NR2F1: variants seen among roughly 807,000 people sequenced by gnomAD.
NR2F1 encodes the protein COUP transcription factor 1.
In NR2F1, 1 loss-of-function variant was observed where a neutral mutation model predicts 37.7. That is an observed-to-expected ratio of 0.03 (90% CI 0.01 to 0.13). NR2F1 has a LOEUF of 0.13. Among genes scored for constraint, NR2F1 ranks in the 10% least tolerant of loss-of-function variants. The pLI, the probability that NR2F1 is intolerant of heterozygous loss-of-function variation, is 1.00. For missense variants in NR2F1, 268 were observed against 578.4 expected (o/e 0.46, Z 5.50); for synonymous variants, 275 against 259.6 (o/e 1.06, Z -0.57).
chr5:93,584,530 C>T lies in NR2F1; in HGVS notation c.-494C>T, dbSNP rs1303156484. The stretch of plus-strand genomic sequence containing the variant: ...ATGCCCGCCGCCCCCGGCGCTGCGC[C>T]CCGCGCCGCTCCCGGCTGCCGCCTG... On this transcript the variant is annotated 5_prime_UTR_variant, in exon 1 of 3. Coordinates refer to ENST00000327111, the MANE Select transcript of NR2F1 (RefSeq NM_005654.6). 1 of 149,330 alleles carries T rather than the reference C, an allele frequency of 6.7e-6. No homozygotes were observed. The highest frequency in any genetic ancestry group is 1.5e-5 in the Non-Finnish European group (1 of 67,130). 9.3% of individuals were successfully genotyped at this position (149,330 alleles called of 1,614,324 possible). A position where few individuals can be genotyped will look rare whatever the true frequency, so the allele number is the denominator to read the frequency against.
At chr5:93,588,672 G>A (rs1753276292) in intron 2 of NR2F1, among the ~76,000 whole-genome samples, 1 of 150,948 alleles carries the variant, frequency 6.6e-6, no homozygotes, top group South Asian at 2.1e-4. Context: ...GCGCGGGTGC[G>A]GCCGGCGGGC....
chr5:93,588,679 G>A (rs1303291371), intron 2 of NR2F1, among the ~76,000 whole-genome samples: 3 of 151,018 alleles, frequency 2.0e-5, no homozygotes, highest in Non-Finnish European at 4.4e-5. Flanking sequence ...TGCGGCCGGC[G>A]GGCGGCCGGG....
At position 93,593,873 on chromosome 5, in the gene NR2F1, C is replaced by G. The variant is rs1753376882; in HGVS notation, c.*31C>G. On this transcript the variant is annotated 3_prime_UTR_variant, in exon 3 of 3. Transcript: ENST00000327111. The surrounding 1 kb of genome is among the most constrained non-coding windows in gnomAD (Gnocchi z 5.6). ...GGGCGCTTCCCACCTGCCCCGTCCC[C>G]CTAGAGACTCAGAGGACCCACCTGG... 6.3e-7 allele frequency: 1 copy of G among 1,598,488 alleles called. No homozygotes were observed. The highest frequency in any genetic ancestry group is 1.1e-5 in the South Asian group (1 of 88,980).
At position 93,588,020 on chromosome 5, in the gene NR2F1, C is replaced by T; in HGVS notation, c.567C>T (p.Ile189=). ...LNGHCYLSGY[I]SLLLRAEPYP... ...GCCACTGCTACCTGTCCGGCTACAT[C>T]TCGCTGCTGCTGCGCGCCGAGCCCT... Residue 189 remains isoleucine (I), a synonymous_variant, in exon 2 of 3, where the codon ATC becomes ATT. Transcript: ENST00000327111. The T allele has an allele frequency of 6.2e-7, 1 of 1,614,074 alleles. No homozygotes were observed. Among genetic ancestry groups the T allele is most frequent in the Non-Finnish European group, 8.5e-7 (1 of 1,180,008 alleles).
intron 2 of NR2F1, among the ~76,000 whole-genome samples, chr5:93,589,547 T>C (rs1222310876): frequency 6.6e-6 from 1 of 152,278 alleles, no homozygotes; most frequent in Non-Finnish European, 1.5e-5. Flanking sequence ...ACCACCATTA[T>C]TGGCAGTATT....
In NR2F1 at chr5:93,593,767, C is replaced by T. The variant is rs138827038; in HGVS notation, c.1197C>T (p.Ile399=). 197 of 1,614,072 alleles carry T rather than the reference C, an allele frequency of 1.2e-4. No homozygotes were observed. Among genetic ancestry groups the T allele is most frequent in the African/African-American group, 9.1e-4 (68 of 74,936 alleles). ...FFVRLVGKTP[I]ETLIRDMLLS... is the part of the protein sequence containing the mutation. ...TCCGTTTGGTAGGTAAAACCCCCAT[C>T]GAAACTCTCATCCGCGATATGTTAC... is the stretch of plus-strand genomic sequence containing the variant. Residue 399 remains isoleucine (I), a synonymous_variant, in exon 3 of 3, where the codon ATC becomes ATT. Coordinates refer to ENST00000327111, the MANE Select transcript of NR2F1 (RefSeq NM_005654.6). The surrounding 1 kb of genome is among the most constrained non-coding windows in gnomAD (Gnocchi z 5.6).
rs977359676 is a variant in NR2F1, at chr5:93,589,519, A to G, written c.991+1075A>G. Among the ~76,000 whole-genome samples the G allele has an allele frequency of 5.9e-5, 9 of 152,270 alleles. No homozygotes were observed. The East Asian group carries it at 1.5e-3, about 26-fold the overall frequency. On this transcript the variant is annotated intron_variant, in intron 2 of 2. Coordinates refer to ENST00000327111, the MANE Select transcript of NR2F1 (RefSeq NM_005654.6). ...GTCTTGGGCCCTGCCCACTGTGAGT[A>G]GGGTTAGCTGCAGTTTTACCACCAT...
chr5:93,588,502 C>T lies in NR2F1; in HGVS notation c.991+58C>T, dbSNP rs1290929040. On this transcript the variant is annotated intron_variant, in intron 2 of 2. Coordinates refer to ENST00000327111, the MANE Select transcript of NR2F1 (RefSeq NM_005654.6). ...GCCGGCAGCGAGCGCAGGCCCCGCGCCGCCCGGGCCTGGCCTTCGGAGCCT... is the reference window on the plus strand; with the variant it reads ...GCCGGCAGCGAGCGCAGGCCCCGCGTCGCCCGGGCCTGGCCTTCGGAGCCT... 5.4e-6 allele frequency: 7 copies of T among 1,298,944 alleles called. No homozygotes were observed. The Admixed American group carries it at 2.1e-4, about 38-fold the overall frequency. 80.5% of individuals were successfully genotyped at this position (1,298,944 alleles called of 1,614,324 possible).
At chr5:93,591,381 T>G (rs1456750067) in intron 2 of NR2F1, among the ~76,000 whole-genome samples, 7 of 152,230 alleles carry the variant, frequency 4.6e-5, no homozygotes, top group Non-Finnish European at 8.8e-5. Context: ...GAGGGAATCC[T>G]GTTGCAAAGG....
Position 93,588,374 on chromosome 5 carries a change from G to C in NR2F1, c.921G>C (p.Glu307Asp). 1 of 1,612,954 alleles carries C rather than the reference G, an allele frequency of 6.2e-7. No individual in the cohort carries two copies. The highest frequency in any genetic ancestry group is 8.5e-7 in the Non-Finnish European group (1 of 1,179,814). Residue 307 changes from glutamate to aspartate, a missense_variant, in exon 2 of 3, where the codon GAG becomes GAC. Glu to Asp is a conservative substitution (Grantham distance 45, BLOSUM62 2). Transcript: ENST00000327111. ...TCCGCATCTTCCAGGAGCAGGTGGA[G>C]AAGCTCAAGGCGCTACACGTCGACT... ...DHIRIFQEQV[E>D]KLKALHVDSA...
In NR2F1 at chr5:93,585,356, G is replaced by A. The variant is rs752897107; in HGVS notation, c.333G>A (p.Lys111=). 3.8e-5 allele frequency: 61 copies of A among 1,613,912 alleles called. 2 individuals carry two copies. Among genetic ancestry groups the A allele is most frequent in the Non-Finnish European group, 1.7e-6 (2 of 1,179,956 alleles). Residue 111 remains lysine, a synonymous_variant, in exon 1 of 3, where the codon AAG becomes AAA. Coordinates refer to ENST00000327111, the MANE Select transcript of NR2F1 (RefSeq NM_005654.6). ...FTCEGCKSFF[K]RSVRRNLTYT... is the part of the protein sequence containing the mutation. ...GCGAGGGCTGCAAAAGTTTCTTCAAGAGGAGCGTCCGCAGGAACTTAACTT... is the reference window on the plus strand; with the variant it reads ...GCGAGGGCTGCAAAAGTTTCTTCAAAAGGAGCGTCCGCAGGAACTTAACTT...
At position 93,583,753 on chromosome 5, in the gene NR2F1, G is replaced by T. The variant is rs956812180; in HGVS notation, c.-1271G>T. On this transcript the variant is annotated 5_prime_UTR_variant, in exon 1 of 3. Coordinates refer to ENST00000327111, the MANE Select transcript of NR2F1 (RefSeq NM_005654.6). ...GAAGAAGGAGCAAGAAAGAGGAAAA[G>T]AAGAGGATTATTTATTCGACCTACT... The T allele has an allele frequency of 1.3e-5, 2 of 152,170 alleles. No homozygotes were observed. Among genetic ancestry groups the T allele is most frequent in the Non-Finnish European group, 2.9e-5 (2 of 68,030 alleles). The allele number at this position is 152,170 out of a possible 1,614,324, so 9.4% of individuals were successfully genotyped here. A position where few individuals can be genotyped will look rare whatever the true frequency, so the allele number is the denominator to read the frequency against.
chr5:93,591,687 A>T (rs1156880721), intron 2 of NR2F1, among the ~76,000 whole-genome samples: 1 of 145,668 alleles, frequency 6.9e-6, no homozygotes, highest in Non-Finnish European at 1.5e-5. Context: ...GATGGATCTT[A>T]AAAAAAAAAA....
At chr5:93,587,651 T>G in intron 1 of NR2F1, 1 of 456,480 alleles carries the variant, frequency 2.2e-6, no homozygotes, top group Non-Finnish European at 3.9e-6. Context: ...CTTGCCAGGG[T>G]TGGGGCCCTG....
chr5:93,585,775 C>T (rs1055125257), intron 1 of NR2F1: 9 of 459,276 alleles, frequency 2.0e-5, no homozygotes, highest in Admixed American at 6.9e-5. Flanking sequence ...GCTTAAAATC[C>T]CCTTCTTCCC....
Position 93,594,068 on chromosome 5 carries a change from C to A in NR2F1, c.*226C>A. 7.2e-6 allele frequency: 3 copies of A among 418,914 alleles called. No homozygotes were observed. The highest frequency in any genetic ancestry group is 8.3e-6 in the Non-Finnish European group (2 of 239,696). The allele number at this position is 418,914 out of a possible 1,614,324, so 25.9% of individuals were successfully genotyped here. On this transcript the variant is annotated 3_prime_UTR_variant, in exon 3 of 3. Transcript: ENST00000327111. ...AGGATCAGATCTGTGAGCACGTTGG[C>A]GAGGAAAAACAAAACAAACAAAAAA...
At chr5:93,592,682 A>AC (rs1046492369) in intron 2 of NR2F1, among the ~76,000 whole-genome samples, 4 of 19,560 alleles carry the variant, frequency 2.0e-4, no homozygotes, top group African/African-American at 7.8e-4. Flanking sequence ...ATCCCCCCCT[A>AC]CCCCCCCAGT....
At position 93,593,916 on chromosome 5, in the gene NR2F1, CGCGGGGACA is replaced by C; in HGVS notation, c.*75_*83del. The C allele has an allele frequency of 1.4e-6, 2 of 1,464,108 alleles. No individual in the cohort carries two copies. The highest frequency in any genetic ancestry group is 1.9e-6 in the Non-Finnish European group (2 of 1,073,652). 90.7% of individuals were successfully genotyped at this position (1,464,108 alleles called of 1,614,324 possible). ...CCACCTGGGCCAAGGACTCCAAAGC[CGCGGGGACA>C]CCGGGAAGTGCAGCGGGCCAGGCAG... On this transcript the variant is annotated 3_prime_UTR_variant, in exon 3 of 3. Coordinates refer to ENST00000327111, the MANE Select transcript of NR2F1 (RefSeq NM_005654.6). The surrounding 1 kb of genome is among the most constrained non-coding windows in gnomAD (Gnocchi z 5.6).
chr5:93,586,643 A>G (rs1359170096), intron 1 of NR2F1, among the ~76,000 whole-genome samples: 1 of 152,198 alleles, frequency 6.6e-6, no homozygotes. Context: ...ACAAGAAAAG[A>G]AATTGAATTC....
Sources: gnomAD v4.1 joint callset for allele counts (sites outside exome capture counted in the v4.1 genomes callset) on GRCh38, gnomAD v4.1.1 for gene constraint, Gnocchi (gnomAD v3.1) non-coding constraint, MANE v1.5 for transcripts, NCBI Gene and HGNC (gene_info 2026-07-23, HGNC 2026-07-21) for gene names.